The following SLC7A14 variants were observed in gnomAD, a reference collection of about 807,000 sequenced individuals.
The protein encoded by SLC7A14 is solute carrier family 7 member 14.
A neutral mutation model predicts 60.2 loss-of-function variants in SLC7A14; 37 were observed. The ratio of observed to expected loss-of-function variants is 0.61; its 90% CI spans 0.47 to 0.81. The LOEUF is 0.81. SLC7A14 is among the 30% of genes least tolerant of loss of function. The pLI is 0.00. For synonymous variants in SLC7A14, 399 were observed against 395.8 expected (o/e 1.01, Z -0.10); for missense variants, 886 against 982.7 (o/e 0.90, Z 1.32).
chr3:170,549,471 C>T (rs1292257866), intron 1 of SLC7A14, among the ~76,000 whole-genome samples: 1 of 152,154 alleles, frequency 6.6e-6, no homozygotes, highest in African/African-American at 2.4e-5. Flanking sequence ...GCCTCGGCCT[C>T]CCAAAGTGCT....
chr3:170,486,632 G>C (rs1712041349), intron 4 of SLC7A14, among the ~76,000 whole-genome samples: 1 of 112,076 alleles, frequency 8.9e-6, no homozygotes, highest in African/African-American at 3.1e-5. Context: ...ACAGCACTTT[G>C]AGAGGCCGAT....
At chr3:170,480,257 G>A in intron 7 of SLC7A14, 32 bp downstream of exon 7, 1 of 1,511,104 alleles carries the variant, frequency 6.6e-7, no homozygotes, top group Non-Finnish European at 8.8e-7. Context: ...CCTTAAAAGG[G>A]AACTCTTAAG....
chr3:170,468,465 T>G (rs1403115076), intron 7 of SLC7A14, among the ~76,000 whole-genome samples: 5 of 152,086 alleles, frequency 3.3e-5, no homozygotes, highest in Admixed American at 6.5e-5. Flanking sequence ...GCCCAGCTAA[T>G]TTTTGTATTT....
At position 170,585,614 on chromosome 3, in the gene SLC7A14, C is replaced by T. The variant is rs528638092; in HGVS notation, c.-153+297G>A. 6.6e-6 allele frequency among the ~76,000 whole-genome samples: 1 copy of T among 151,966 alleles called. No individual in the cohort carries two copies. The highest frequency in any genetic ancestry group is 1.9e-4 in the East Asian group (1 of 5,150). ...AGCGGCGCCGGAGCCGCGCTGGCCCCCGCCCCGCCCGGCAGCTCCCGCGAG... is the reference window on the plus strand; with the variant it reads ...AGCGGCGCCGGAGCCGCGCTGGCCCTCGCCCCGCCCGGCAGCTCCCGCGAG... On this transcript the variant is annotated intron_variant, in intron 1 of 7. Transcript: ENST00000231706. The surrounding 1 kb of genome is among the most constrained non-coding windows in gnomAD (Gnocchi z 5.1).
At chr3:170,496,202 C>A in intron 4 of SLC7A14, 2 of 912,300 alleles carry the variant, frequency 2.2e-6, no homozygotes, top group Admixed American at 3.4e-5. Context: ...TGGACATGGA[C>A]AGCATCATCG....
chr3:170,479,439 C>T (rs958804195), intron 7 of SLC7A14, among the ~76,000 whole-genome samples: 2 of 152,136 alleles, frequency 1.3e-5, no homozygotes, highest in Non-Finnish European at 2.9e-5. Context: ...CAGAGATTGT[C>T]CTAGATGATA....
rs545710292 is a variant in SLC7A14 at position 170,585,544 on chromosome 3, G to A, written c.-153+367C>T. Among the ~76,000 whole-genome samples, 20 of 152,300 alleles carry A rather than the reference G, an allele frequency of 1.3e-4. No individual in the cohort carries two copies. In the South Asian group the frequency reaches 4.1e-3, roughly 32 times the overall value. On this transcript the variant is annotated intron_variant, in intron 1 of 7. Coordinates refer to ENST00000231706, the MANE Select transcript of SLC7A14 (RefSeq NM_020949.3). The surrounding 1 kb of genome is among the most constrained non-coding windows in gnomAD (Gnocchi z 5.1). ...CGGGCCCGGCGTCTGCCGAGACCTAGGCTGCCCGCATTCCGCTCGCGGCTC... is the reference window on the plus strand; with the variant it reads ...CGGGCCCGGCGTCTGCCGAGACCTAAGCTGCCCGCATTCCGCTCGCGGCTC...
intron 2 of SLC7A14, among the ~76,000 whole-genome samples, chr3:170,521,810 A>T (rs2108291296): frequency 6.6e-6 from 1 of 152,124 alleles, no homozygotes; most frequent in East Asian, 1.9e-4. Context: ...AGTCCCAGCT[A>T]CTCGGGAGGC....
intron 2 of SLC7A14, 83 bp downstream of exon 2, chr3:170,526,549 TA>T: frequency 6.6e-7 from 1 of 1,516,880 alleles, no homozygotes. Context: ...ATCTCACCAC[TA>T]AATACTCCGG....
rs992451797 is a variant in SLC7A14, at chr3:170,463,671, C to T, written c.*3384G>A. 1 of 152,250 alleles carries T rather than the reference C, an allele frequency of 6.6e-6. No individual in the cohort carries two copies. Among genetic ancestry groups the T allele is most frequent in the African/African-American group, 2.4e-5 (1 of 41,446 alleles). The allele number at this position is 152,250 out of a possible 1,614,324, so 9.4% of individuals were successfully genotyped here. On this transcript the variant is annotated 3_prime_UTR_variant, in exon 8 of 8. Coordinates refer to ENST00000231706, the MANE Select transcript of SLC7A14 (RefSeq NM_020949.3). ...TATCTGGGATCATAGGCACATGCCA[C>T]CACACCAAGCTCTATTTCCTCTACT...
At chr3:170,472,193 A>G (rs1335966871) in intron 7 of SLC7A14, among the ~76,000 whole-genome samples, 1 of 148,070 alleles carries the variant, frequency 6.8e-6, no homozygotes, top group South Asian at 2.2e-4. Flanking sequence ...ACATGGTGAA[A>G]CCCCGTCTAC....
chr3:170,480,748 C>T lies in SLC7A14; in HGVS notation c.1534G>A (p.Gly512Ser), dbSNP rs139104563. 3.4e-5 allele frequency: 55 copies of T among 1,614,040 alleles called. No homozygotes were observed. The highest frequency in any genetic ancestry group is 4.1e-5 in the Non-Finnish European group (48 of 1,180,032). The change falls in exon 7 of 8, where the codon GGC (glycine) becomes AGC (serine). Residue 512 changes from glycine (G) to serine (S), a missense_variant. By Grantham distance (56) the Gly-to-Ser change is moderately conservative. Transcript: ENST00000231706. ...STYNVNHPNYGTVDMTTGIEA... is the reference protein window; with the variant it reads ...STYNVNHPNYSTVDMTTGIEA... ...ATGCCTGTGGTCATGTCCACGGTGCCGTAATTGGGGTGGTTGACGTTGTAG... is the reference window on the plus strand; with the variant it reads ...ATGCCTGTGGTCATGTCCACGGTGCTGTAATTGGGGTGGTTGACGTTGTAG...
intron 1 of SLC7A14, among the ~76,000 whole-genome samples, chr3:170,533,512 A>G (rs191304039): frequency 2.6e-5 from 4 of 152,340 alleles, no homozygotes; most frequent in African/African-American, 9.6e-5. Context: ...TTCTGCGATC[A>G]ACAGTGCCTC....
chr3:170,518,396 C>T (rs369688569), intron 2 of SLC7A14, among the ~76,000 whole-genome samples: 8 of 152,132 alleles, frequency 5.3e-5, no homozygotes, highest in African/African-American at 1.7e-4. Context: ...AAGAGCCTTT[C>T]TTGCCCTCCC....
At chr3:170,541,283 CT>C (rs749975920) in intron 1 of SLC7A14, among the ~76,000 whole-genome samples, 129 of 152,260 alleles carry the variant, frequency 8.5e-4, no homozygotes, top group Admixed American at 1.8e-3. Flanking sequence ...TATTAAGCAA[CT>C]GTTAAAATAT....
chr3:170,526,572 G>A, intron 2 of SLC7A14, 61 bp downstream of exon 2: 1 of 1,564,166 alleles, frequency 6.4e-7, no homozygotes, highest in Non-Finnish European at 8.7e-7. Flanking sequence ...GAAAGGGGAT[G>A]AACAGTGACC....
chr3:170,561,217 G>T (rs769477993), intron 1 of SLC7A14, among the ~76,000 whole-genome samples: 2 of 152,166 alleles, frequency 1.3e-5, no homozygotes, highest in Non-Finnish European at 2.9e-5. Flanking sequence ...GCTCCCTGAG[G>T]ACATGGCTCA....
Position 170,561,400 on chromosome 3 carries a change from T to C in SLC7A14, c.-153+24511A>G, listed in dbSNP as rs144599353. ...CTTTGGTTGGTGGTGCCTTAAGCCT[T>C]AGGTCCTACTGGGGTGTCATGAAGA... is the stretch of plus-strand genomic sequence containing the variant. On this transcript the variant is annotated intron_variant, in intron 1 of 7. Coordinates refer to ENST00000231706, the MANE Select transcript of SLC7A14 (RefSeq NM_020949.3). 2.3e-3 allele frequency among the ~76,000 whole-genome samples: 349 copies of C among 152,338 alleles called. 1 individual carries two copies. The highest frequency in any genetic ancestry group is 7.9e-3 in the African/African-American group (329 of 41,584).
At chr3:170,571,628 C>T (rs1357215397) in intron 1 of SLC7A14, among the ~76,000 whole-genome samples, 5 of 152,114 alleles carry the variant, frequency 3.3e-5, no homozygotes, top group African/African-American at 1.2e-4. Flanking sequence ...AAAATGGTTC[C>T]TATCTTTATT....
Sources: allele counts gnomAD v4.1 joint callset (sites outside exome capture counted in the v4.1 genomes callset), GRCh38; gene constraint gnomAD v4.1.1; non-coding constraint Gnocchi (gnomAD v3.1); transcripts MANE v1.5; gene names NCBI Gene and HGNC (gene_info 2026-07-23, HGNC 2026-07-21).